Variants in PLB1 observed in about 807,000 individuals in gnomAD.
PLB1 encodes phospholipase B1.
A neutral mutation model predicts 227.4 loss-of-function variants in PLB1; 242 were observed. That is an observed-to-expected ratio of 1.06 (90% CI 0.96 to 1.18). The LOEUF is 1.18. Ranked by LOEUF, PLB1 falls within the 50% of genes most tolerant of loss-of-function variation. The probability of loss-of-function intolerance (pLI) is 0.00; values close to 1 mark genes in which losing one functional copy is unlikely to be tolerated. For synonymous variants in PLB1, 757 were observed against 682.2 expected (o/e 1.11, Z -1.71); for missense variants, 1,858 against 1,816.3 (o/e 1.02, Z -0.42).
rs1032954686 is a variant in PLB1, at chr2:28,604,019, G to C, written c.2828G>C (p.Arg943Thr). The C allele has an allele frequency of 6.2e-7, 1 of 1,614,104 alleles. No homozygotes were observed. The highest frequency in any genetic ancestry group is 1.3e-5 in the African/African-American group (1 of 74,940). The change falls in exon 40 of 58, where the codon AGG becomes ACG. Residue 943 changes from arginine to threonine, a missense_variant. Transcript: ENST00000327757. ...CGGGAGAACTCCCAAGAGCTAGCCA[G>C]GCTGGAGGCCTTCAGCCGAGCCTAC... ...TLRENSQELA[R>T]LEAFSRAYRS... is the part of the protein sequence containing the mutation.
chr2:28,567,923 G>A (rs989547566), intron 20 of PLB1, among the ~76,000 whole-genome samples: 2 of 152,076 alleles, frequency 1.3e-5, no homozygotes, highest in African/African-American at 2.4e-5. Flanking sequence ...TGCCTGGGAG[G>A]AATTTAACTG....
intron 17 of PLB1, among the ~76,000 whole-genome samples, chr2:28,553,421 C>T (rs1011666674): frequency 4.6e-5 from 7 of 152,218 alleles, no homozygotes; most frequent in Non-Finnish European, 7.3e-5. Flanking sequence ...CAGGAAAGCA[C>T]GTCATCTTAT....
At chr2:28,569,704 G>A (rs1206810653) in intron 20 of PLB1, among the ~76,000 whole-genome samples, 2 of 152,032 alleles carry the variant, frequency 1.3e-5, no homozygotes, top group Admixed American at 6.6e-5. Context: ...GGTGGCTCAC[G>A]CCTGTAATCC....
At chr2:28,527,771 C>T (rs997631330) in intron 6 of PLB1, among the ~76,000 whole-genome samples, 2 of 152,214 alleles carry the variant, frequency 1.3e-5, no homozygotes, top group Non-Finnish European at 2.9e-5. Flanking sequence ...AACAAAATGA[C>T]TGGCAAATTT....
Position 28,601,957 on chromosome 2 carries a change from A to G in PLB1, c.2666A>G (p.His889Arg). The G allele has an allele frequency of 6.2e-7, 1 of 1,610,056 alleles. No individual in the cohort carries two copies. The highest frequency in any genetic ancestry group is 1.1e-5 in the South Asian group (1 of 90,980). ...HHLRNALDVL[H>R]REVPRVLVNL... is the part of the protein sequence containing the mutation. ...CTCCGCAATGCCTTGGACGTCCTGCATAGAGAGGTGGGTGGGGGGCTTCCA... is the reference window on the plus strand; with the variant it reads ...CTCCGCAATGCCTTGGACGTCCTGCGTAGAGAGGTGGGTGGGGGGCTTCCA... The change falls in exon 38 of 58, where the codon CAT becomes CGT. Residue 889 changes from histidine to arginine, a missense_variant. Transcript: ENST00000327757.
At chr2:28,582,375 C>T (rs1315091924) in intron 24 of PLB1, 30 bp from the exon 25 acceptor site, 3 of 1,593,358 alleles carry the variant, frequency 1.9e-6, no homozygotes, top group Admixed American at 3.4e-5. Context: ...CAGCCTCATC[C>T]TCTTGGTGAC....
intron 16 of PLB1, 70 bp from the exon 17 acceptor site, chr2:28,552,858 G>A: frequency 7.9e-7 from 1 of 1,260,292 alleles, no homozygotes; most frequent in Admixed American, 1.7e-5. Context: ...CAAAATAGAG[G>A]CCCCACTTCT....
chr2:28,527,478 G>A (rs1165387743), intron 6 of PLB1, among the ~76,000 whole-genome samples: 1 of 152,194 alleles, frequency 6.6e-6, no homozygotes, highest in Non-Finnish European at 1.5e-5. Context: ...CATGGGATGG[G>A]GCTGGCTCAG....
rs527665695 is a variant in PLB1 at position 28,635,488 on chromosome 2, G to C, written c.4098+2449G>C. ...TTTTCTAGTCCTTTCCTGGTGACCT[G>C]GGCATGCCACCACCCTCCCCACTGC... On this transcript the variant is annotated intron_variant, in intron 56 of 57. Coordinates refer to ENST00000327757, the MANE Select transcript of PLB1 (RefSeq NM_153021.5). Among the ~76,000 whole-genome samples, 19 of 149,666 alleles carry C rather than the reference G, an allele frequency of 1.3e-4. No individual in the cohort carries two copies. The South Asian group carries it at 3.8e-3, about 30-fold the overall frequency.
chr2:28,538,162 C>T (rs886270393), intron 9 of PLB1, 157 bp from the exon 10 acceptor site: 1 of 856,202 alleles, frequency 1.2e-6, no homozygotes, highest in Non-Finnish European at 1.9e-6. Context: ...AACTAGGAAG[C>T]TCTGGGAATT....
intron 1 of PLB1, among the ~76,000 whole-genome samples, 197 bp from the exon 2 acceptor site, chr2:28,516,611 G>A (rs553701029): frequency 6.6e-6 from 1 of 152,168 alleles, no homozygotes; most frequent in Non-Finnish European, 1.5e-5. Flanking sequence ...CTGCCCTAAT[G>A]GGTTGTGTTA....
At chr2:28,629,308 A>T in intron 53 of PLB1, 123 bp downstream of exon 53, 1 of 751,462 alleles carries the variant, frequency 1.3e-6, no homozygotes, top group Non-Finnish European at 2.1e-6. Flanking sequence ...GACATGGCTC[A>T]GGGGCTTGGA....
intron 54 of PLB1, among the ~76,000 whole-genome samples, chr2:28,631,583 C>T (rs1488552677): frequency 1.3e-5 from 2 of 152,232 alleles, no homozygotes; most frequent in Admixed American, 1.3e-4. Context: ...CGTGGACTCT[C>T]CTCCCGCAAA....
chr2:28,563,083 T>G lies in PLB1; in HGVS notation c.1190T>G (p.Leu397Arg). ...KPADINVIGALGDSLTAGNGA... is the reference protein window; with the variant it reads ...KPADINVIGARGDSLTAGNGA... Reference sequence around the variant, plus strand: ...GCTGACATCAACGTAATTGGAGCCCTGGGTGACTCTCTCACGGTAAGTGAC... The same window carrying G: ...GCTGACATCAACGTAATTGGAGCCCGGGGTGACTCTCTCACGGTAAGTGAC... The change falls in exon 18 of 58, where the codon CTG becomes CGG. Residue 397 changes from leucine to arginine, a missense_variant. Physicochemically the swap from Leu to Arg is moderately radical, Grantham distance 102. Coordinates refer to ENST00000327757, the MANE Select transcript of PLB1 (RefSeq NM_153021.5). The G allele has an allele frequency of 6.2e-7, 1 of 1,613,628 alleles. No homozygotes were observed. Among genetic ancestry groups the G allele is most frequent in the Non-Finnish European group, 8.5e-7 (1 of 1,179,578 alleles).
At chr2:28,581,972 A>G in intron 23 of PLB1, 96 bp from the exon 24 acceptor site, 2 of 1,268,056 alleles carry the variant, frequency 1.6e-6, no homozygotes, top group South Asian at 1.3e-5. Flanking sequence ...AAAAAAGAAA[A>G]AAAAAAAAGA....
chr2:28,538,513 A>G, intron 10 of PLB1, 132 bp downstream of exon 10: 2 of 750,456 alleles, frequency 2.7e-6, no homozygotes, highest in Non-Finnish European at 2.2e-6. Flanking sequence ...ACTTTAGAGC[A>G]CCCCATCTTC....
intron 1 of PLB1, among the ~76,000 whole-genome samples, chr2:28,505,968 C>G (rs1667596654): frequency 6.6e-6 from 1 of 152,232 alleles, no homozygotes; most frequent in Non-Finnish European, 1.5e-5. Flanking sequence ...GCTTTGGACA[C>G]TGAGCACAGG....
At chr2:28,623,015 A>G (rs1043852791) in intron 49 of PLB1, among the ~76,000 whole-genome samples, 2 of 151,248 alleles carry the variant, frequency 1.3e-5, no homozygotes, top group South Asian at 2.1e-4. Flanking sequence ...TGAAAAAGAC[A>G]ATGCTGGGTA....
At chr2:28,548,597 AT>A (rs1673674684) in intron 14 of PLB1, 12 of 537,774 alleles carry the variant, frequency 2.2e-5, no homozygotes, top group East Asian at 4.5e-5. Context: ...ATATATATAT[AT>A]ATAAAACCGA....
Sources: gnomAD v4.1 joint callset for allele counts (sites outside exome capture counted in the v4.1 genomes callset) on GRCh38, gnomAD v4.1.1 for gene constraint, MANE v1.5 for transcripts, NCBI Gene and HGNC (gene_info 2026-07-23, HGNC 2026-07-21) for gene names.